The following NRXN3 variants were observed in gnomAD, a reference collection of about 807,000 sequenced individuals.
The protein encoded by NRXN3 is neurexin 3, also known as neurexin III.
NRXN3 carries 32 observed loss-of-function variants against 137.6 expected under a neutral mutation model. The observed-to-expected ratio is 0.23, with a 90% CI of 0.18 to 0.31. NRXN3 has a LOEUF of 0.31. Among genes scored for constraint, NRXN3 ranks in the 10% least tolerant of loss-of-function variants. NRXN3 has a pLI of 1.00. For missense variants in NRXN3, 1,574 were observed against 2,062.5 expected, an observed-to-expected ratio of 0.76 and a Z score of 4.59; for synonymous variants, 798 against 784.5, an observed-to-expected ratio of 1.02 and a Z score of -0.29.
intron 15 of NRXN3, among the ~76,000 whole-genome samples, chr14:79,215,328 G>T (rs2068310226): frequency 6.6e-6 from 1 of 152,018 alleles, no homozygotes; most frequent in Non-Finnish European, 1.5e-5. Flanking sequence ...TTTATTAAAT[G>T]ATTAAATAAA....
intron 19 of NRXN3, among the ~76,000 whole-genome samples, chr14:79,754,587 C>CACAT (rs112706230): frequency 0.056 from 7,109 of 127,800 alleles, 978 homozygotes; most frequent in African/African-American, 0.2. Flanking sequence ...CACACACACA[C>CACAT]ACATATATAT....
intron 4 of NRXN3, among the ~76,000 whole-genome samples, chr14:78,377,398 T>C (rs987361541): frequency 1.3e-5 from 2 of 152,190 alleles, no homozygotes; most frequent in Non-Finnish European, 2.9e-5. Flanking sequence ...AGTTGCAAAA[T>C]GTGTGAAGCA....
chr14:79,156,534 T>A (rs912396097), intron 15 of NRXN3, among the ~76,000 whole-genome samples: 1 of 143,742 alleles, frequency 7.0e-6, no homozygotes, highest in Non-Finnish European at 1.5e-5. Context: ...GACAAAAGCC[T>A]TTTAATGACC....
At chr14:79,666,892 A>G (rs2098560361) in intron 17 of NRXN3, among the ~76,000 whole-genome samples, 2 of 152,000 alleles carry the variant, frequency 1.3e-5, no homozygotes, top group Non-Finnish European at 2.9e-5. Flanking sequence ...GTGAGTATTT[A>G]AAGGAGCTAT....
At position 78,856,124 on chromosome 14, in the gene NRXN3, C is replaced by A. The variant is rs559655419; in HGVS notation, c.2275+45780C>A. 2.0e-5 allele frequency among the ~76,000 whole-genome samples: 3 copies of A among 152,294 alleles called. No individual in the cohort carries two copies. In the East Asian group the frequency reaches 5.8e-4, roughly 29 times the overall value. On this transcript the variant is annotated intron_variant, in intron 10 of 20. Transcript: ENST00000335750. ...ATGACTGCTGTGTAAAACACTCCAA[C>A]CTCAGTATGCCTACAGGCATTCCAC...
chr14:79,021,078 T>C (rs1053754410), intron 15 of NRXN3, among the ~76,000 whole-genome samples: 1 of 152,108 alleles, frequency 6.6e-6, no homozygotes, highest in Non-Finnish European at 1.5e-5. Context: ...GCAGGTGTGG[T>C]TGGTTACTTT....
At chr14:78,280,236 C>G (rs1279437217) in intron 3 of NRXN3, among the ~76,000 whole-genome samples, 3 of 152,128 alleles carry the variant, frequency 2.0e-5, no homozygotes, top group Non-Finnish European at 2.9e-5. Context: ...AATGTACACG[C>G]AGACACACAC....
At chr14:78,372,068 A>G (rs551485142) in intron 4 of NRXN3, among the ~76,000 whole-genome samples, 1 of 82,290 alleles carries the variant, frequency 1.2e-5, no homozygotes, top group African/African-American at 4.7e-5. Flanking sequence ...GCAGAACAGT[A>G]TGAGAGAGTT....
At chr14:78,559,256 A>T (rs1446105591) in intron 4 of NRXN3, among the ~76,000 whole-genome samples, 2 of 152,140 alleles carry the variant, frequency 1.3e-5, no homozygotes, top group Non-Finnish European at 2.9e-5. Context: ...TTTATTTAAA[A>T]TTTATTTTAC....
intron 16 of NRXN3, among the ~76,000 whole-genome samples, chr14:79,494,941 C>T (rs996174182): frequency 1.3e-5 from 2 of 152,202 alleles, no homozygotes; most frequent in Admixed American, 1.3e-4. Flanking sequence ...TGATAATCTA[C>T]AAATACTTTT....
intron 15 of NRXN3, among the ~76,000 whole-genome samples, chr14:79,130,989 C>A (rs562343214): frequency 6.6e-6 from 1 of 152,326 alleles, no homozygotes; most frequent in Admixed American, 6.5e-5. Context: ...GAGGCTTCTG[C>A]ATTCTTCACG....
At chr14:79,663,121 G>A (rs566568528) in intron 16 of NRXN3, among the ~76,000 whole-genome samples, 60 of 152,204 alleles carry the variant, frequency 3.9e-4, no homozygotes, top group Non-Finnish European at 3.7e-4. Flanking sequence ...AGGGCTACAA[G>A]TTGGGAAGCA....
chr14:79,269,229 T>C (rs1047408832), intron 15 of NRXN3, among the ~76,000 whole-genome samples: 1 of 152,102 alleles, frequency 6.6e-6, no homozygotes, highest in Non-Finnish European at 1.5e-5. Context: ...TTTTGTATTT[T>C]CAGTAGAGAC....
chr14:79,838,399 C>A (rs990015723), intron 20 of NRXN3, among the ~76,000 whole-genome samples: 1 of 152,114 alleles, frequency 6.6e-6, no homozygotes, highest in South Asian at 2.1e-4. Flanking sequence ...GGTTTCCCCA[C>A]GCTGACTTTT....
chr14:79,406,103 G>T (rs1394787747), intron 15 of NRXN3, among the ~76,000 whole-genome samples: 1 of 151,960 alleles, frequency 6.6e-6, no homozygotes, highest in Non-Finnish European at 1.5e-5. Context: ...TCTTCCCATA[G>T]CACTATCTTT....
chr14:79,470,400 G>A (rs184357862), intron 16 of NRXN3, among the ~76,000 whole-genome samples: 6 of 152,238 alleles, frequency 3.9e-5, no homozygotes, highest in East Asian at 1.9e-4. Flanking sequence ...CCTCTAAGGC[G>A]AGCACTGCAT....
rs185962353 is a variant in NRXN3, at chr14:78,855,592, A to C, written c.2275+45248A>C. On this transcript the variant is annotated intron_variant, in intron 10 of 20. Coordinates refer to ENST00000335750, the MANE Select transcript of NRXN3 (RefSeq NM_001330195.2). ...GAATTTGAGATCATGAAAAGGAATG[A>C]TTTTAGCACAAAAAAAACTAAACCT... Among the ~76,000 whole-genome samples, 3 of 152,326 alleles carry C rather than the reference A, an allele frequency of 2.0e-5. No homozygotes were observed. In the East Asian group the frequency reaches 5.8e-4, roughly 29 times the overall value.
chr14:78,199,959 T>A (rs1015694110), intron 1 of NRXN3, among the ~76,000 whole-genome samples: 1 of 152,114 alleles, frequency 6.6e-6, no homozygotes, highest in African/African-American at 2.4e-5. Context: ...GCTTTGGAAA[T>A]GAAGCATAGC....
chr14:79,373,509 T>C (rs2094172991), intron 15 of NRXN3, among the ~76,000 whole-genome samples: 1 of 152,224 alleles, frequency 6.6e-6, no homozygotes, highest in African/African-American at 2.4e-5. Context: ...GCATTACTTC[T>C]TCATTACTTG....
Sources: allele counts gnomAD v4.1 joint callset (sites outside exome capture counted in the v4.1 genomes callset), GRCh38; gene constraint gnomAD v4.1.1; transcripts MANE v1.5; gene names NCBI Gene and HGNC (gene_info 2026-07-23, HGNC 2026-07-21).